DENND6A: variants seen among roughly 807,000 people sequenced by gnomAD.
DENND6A encodes DENN domain containing 6A.
DENND6A carries 43 observed loss-of-function variants against 95.5 expected under a neutral mutation model. The ratio of observed to expected loss-of-function variants is 0.45; its 90% CI spans 0.35 to 0.58. DENND6A has a LOEUF of 0.58. Among genes scored for constraint, DENND6A ranks in the 20% least tolerant of loss-of-function variants. The probability of loss-of-function intolerance (pLI) is 0.00; values close to 1 mark genes in which losing one functional copy is unlikely to be tolerated. For missense variants in DENND6A, 574 were observed against 736.0 expected (o/e 0.78, Z 2.55); for synonymous variants, 257 against 260.4 (o/e 0.99, Z 0.13).
At chr3:57,685,769 C>T (rs1234668173) in intron 1 of DENND6A, among the ~76,000 whole-genome samples, 1 of 151,524 alleles carries the variant, frequency 6.6e-6, no homozygotes, top group Non-Finnish European at 1.5e-5. Flanking sequence ...TTAATGTTTG[C>T]TCTTGGCAGA....
rs1032419290 is a variant in DENND6A at position 57,689,662 on chromosome 3, G to A, written c.237+3120C>T. On this transcript the variant is annotated intron_variant, in intron 1 of 19. Coordinates refer to ENST00000311128, the MANE Select transcript of DENND6A (RefSeq NM_152678.3). ...GCTTTAGCCAATTGTATCAGAGTAG[G>A]AACCTGCCCCAAACCAGGCCAGATT... 2.6e-5 allele frequency among the ~76,000 whole-genome samples: 4 copies of A among 152,152 alleles called. No individual in the cohort carries two copies. In the South Asian group the frequency reaches 8.3e-4, roughly 31 times the overall value.
chr3:57,657,635 C>A (rs77468196), intron 9 of DENND6A, 45 bp downstream of exon 9: 1 of 1,310,442 alleles, frequency 7.6e-7, no homozygotes, highest in Non-Finnish European at 1.1e-6. Flanking sequence ...ACACCACCAC[C>A]ACAAAGCAAA....
At chr3:57,668,017 G>T (rs1448740486) in intron 3 of DENND6A, among the ~76,000 whole-genome samples, 1 of 150,386 alleles carries the variant, frequency 6.6e-6, no homozygotes, top group Non-Finnish European at 1.5e-5. Flanking sequence ...AGTGAGCCGA[G>T]ATCACACCAC....
chr3:57,630,819 T>C lies in DENND6A; in HGVS notation c.1413A>G (p.Pro471=). ...CTGGAAGAAACTGTCTTAATTGAGG[T>C]GGACTCTAGAAAACAGGACATATAA... is the stretch of plus-strand genomic sequence containing the variant. ...LQKSISPWKS[P]PQLRQFLPEE... The change falls in exon 17 of 20, where the codon CCA becomes CCG. Residue 471 remains proline (P), a synonymous_variant. Coordinates refer to ENST00000311128, the MANE Select transcript of DENND6A (RefSeq NM_152678.3). 1 of 1,613,360 alleles carries C rather than the reference T, an allele frequency of 6.2e-7. No individual in the cohort carries two copies. Among genetic ancestry groups the C allele is most frequent in the East Asian group, 2.2e-5 (1 of 44,852 alleles).
In DENND6A at chr3:57,692,966, T is replaced by A. The variant is rs1319976771; in HGVS notation, c.53A>T (p.Asp18Val). The A allele has an allele frequency of 6.5e-7, 1 of 1,537,512 alleles. No individual in the cohort carries two copies. Among genetic ancestry groups the A allele is most frequent in the Non-Finnish European group, 8.7e-7 (1 of 1,150,468 alleles). Residue 18 changes from aspartate (D) to valine (V), a missense_variant, in exon 1 of 20, where the codon GAC becomes GTC. Asp to Val is a radical substitution (Grantham distance 152, BLOSUM62 -3). Coordinates refer to ENST00000311128, the MANE Select transcript of DENND6A (RefSeq NM_152678.3). ...GLGPGSRRPL[D>V]EAVAGAEGRE... Reference sequence around the variant, plus strand: ...GCCCTCGGCCCCTGCCACCGCTTCGTCCAACGGCCTTCGAGAGCCGGGCCC... The same window carrying A: ...GCCCTCGGCCCCTGCCACCGCTTCGACCAACGGCCTTCGAGAGCCGGGCCC...
chr3:57,667,014 T>C (rs1223621784), intron 3 of DENND6A, among the ~76,000 whole-genome samples: 1 of 152,210 alleles, frequency 6.6e-6, no homozygotes, highest in Admixed American at 6.5e-5. Context: ...CAAACGTAGT[T>C]ATAAGAATTA....
intron 1 of DENND6A, among the ~76,000 whole-genome samples, chr3:57,685,738 TAAAAA>T (rs889758920): frequency 8.0e-5 from 12 of 150,812 alleles, no homozygotes; most frequent in African/African-American, 2.7e-4. Flanking sequence ...TCTTTTTTTT[TAAAAA>T]AAAATTTGTT....
At chr3:57,641,118 C>T (rs2153413185) in intron 12 of DENND6A, among the ~76,000 whole-genome samples, 1 of 147,752 alleles carries the variant, frequency 6.8e-6, no homozygotes, top group Non-Finnish European at 1.5e-5. Flanking sequence ...TTTTATTGGG[C>T]TTCTATATAT....
At chr3:57,670,401 G>C (rs887131177) in intron 3 of DENND6A, among the ~76,000 whole-genome samples, 3 of 152,194 alleles carry the variant, frequency 2.0e-5, no homozygotes, top group African/African-American at 7.2e-5. Context: ...GGACTTCTAG[G>C]GGTGGTAATC....
intron 1 of DENND6A, among the ~76,000 whole-genome samples, chr3:57,692,415 T>C (rs974576113): frequency 5.3e-5 from 8 of 152,172 alleles, no homozygotes; most frequent in African/African-American, 1.9e-4. Flanking sequence ...TCATCTGTTA[T>C]GGGCATTGTT....
intron 1 of DENND6A, among the ~76,000 whole-genome samples, chr3:57,678,212 A>C (rs1463094271): frequency 1.3e-5 from 2 of 152,222 alleles, no homozygotes; most frequent in Non-Finnish European, 2.9e-5. Context: ...AGATTTATAG[A>C]ATATAGATGT....
chr3:57,692,812 G>C lies in DENND6A; in HGVS notation c.207C>G (p.Gly69=). The change falls in exon 1 of 20, where the codon GGC becomes GGG. Residue 69 remains glycine, a synonymous_variant. Transcript: ENST00000311128. The part of the protein sequence containing the change: ...SAWLHCVCVV[G]FDLELGQAVE... ...CGGCCTGGCCCAGCTCCAGGTCGAA[G>C]CCCACCACACACACGCAGTGCAGCC... 1 of 1,565,340 alleles carries C rather than the reference G, an allele frequency of 6.4e-7. No homozygotes were observed. Among genetic ancestry groups the C allele is most frequent in the African/African-American group, 1.4e-5 (1 of 70,708 alleles).
intron 8 of DENND6A, 121 bp downstream of exon 8, chr3:57,658,997 G>A: frequency 1.2e-6 from 1 of 828,710 alleles, no homozygotes; most frequent in South Asian, 2.1e-5. Context: ...TATTTAATGG[G>A]ACATTTCAGT....
intron 8 of DENND6A, among the ~76,000 whole-genome samples, chr3:57,658,609 G>T (rs914683515): frequency 6.6e-6 from 1 of 152,188 alleles, no homozygotes; most frequent in African/African-American, 2.4e-5. Flanking sequence ...TGGTTGATAT[G>T]TAACAGAAAT....
chr3:57,636,809 C>T (rs1286940706), intron 12 of DENND6A, among the ~76,000 whole-genome samples: 5 of 151,870 alleles, frequency 3.3e-5, no homozygotes, highest in South Asian at 2.1e-4. Flanking sequence ...TGGTGGCACA[C>T]GCCTGTAGTC....
chr3:57,662,017 C>T (rs2153415594), intron 5 of DENND6A, among the ~76,000 whole-genome samples: 1 of 149,482 alleles, frequency 6.7e-6, no homozygotes, highest in African/African-American at 2.4e-5. Flanking sequence ...ACAAATTATC[C>T]CAATTTTTAA....
At chr3:57,642,526 TAC>T (rs2070969075) in intron 11 of DENND6A, among the ~76,000 whole-genome samples, 1 of 152,050 alleles carries the variant, frequency 6.6e-6, no homozygotes, top group Admixed American at 6.6e-5. Flanking sequence ...TCTGTAGAAC[TAC>T]ACAGAGTTTA....
chr3:57,628,764 T>A, intron 19 of DENND6A, 47 bp downstream of exon 19: 1 of 1,578,100 alleles, frequency 6.3e-7, no homozygotes, highest in South Asian at 1.1e-5. Flanking sequence ...GAGGACAATG[T>A]CTTCAAAGAA....
intron 3 of DENND6A, 41 bp from the exon 4 acceptor site, chr3:57,666,276 T>C: frequency 6.9e-7 from 1 of 1,448,490 alleles, no homozygotes; most frequent in Middle Eastern, 1.8e-4. Flanking sequence ...GATAGCTTAG[T>C]ATAACATTTA....
Sources: gnomAD v4.1 joint callset for allele counts (sites outside exome capture counted in the v4.1 genomes callset) on GRCh38, gnomAD v4.1.1 for gene constraint, MANE v1.5 for transcripts, NCBI Gene and HGNC (gene_info 2026-07-23, HGNC 2026-07-21) for gene names.